Variants in PI4KA observed in about 807,000 individuals in gnomAD.
PI4KA encodes phosphatidylinositol 4-kinase alpha.
Under a neutral mutation model 271.4 loss-of-function variants are expected in PI4KA, and 122 were observed. The observed-to-expected ratio is 0.45, with a 90% confidence interval of 0.39 to 0.52. The LOEUF (loss-of-function observed/expected upper bound fraction) is 0.52. PI4KA is among the 20% of genes least tolerant of loss of function. The probability of loss-of-function intolerance (pLI) is 0.00; values close to 1 mark genes in which losing one functional copy is unlikely to be tolerated. For missense variants in PI4KA, 1,969 were observed against 2,769.1 expected (o/e 0.71, Z 6.48); for synonymous variants, 1,041 against 1,078.8 (o/e 0.96, Z 0.69).
intron 1 of PI4KA, among the ~76,000 whole-genome samples, chr22:20,856,132 C>T (rs965795080): frequency 1.9e-4 from 29 of 152,100 alleles, no homozygotes; most frequent in Non-Finnish European, 3.4e-4. Context: ...ATACTAAATA[C>T]TAAACCCCGT....
intron 19 of PI4KA, chr22:20,780,218 C>T: frequency 1.2e-6 from 2 of 1,614,204 alleles, no homozygotes; most frequent in Non-Finnish European, 1.7e-6. Context: ...GGCACCTTTA[C>T]AGTTCTCACA....
chr22:20,781,950 G>A (rs1601483310), intron 19 of PI4KA, among the ~76,000 whole-genome samples: 1 of 152,344 alleles, frequency 6.6e-6, no homozygotes, highest in Non-Finnish European at 1.5e-5. Context: ...ATGCAACAGA[G>A]TGGCACATGA....
intron 29 of PI4KA, among the ~76,000 whole-genome samples, chr22:20,746,036 A>G (rs1266192477): frequency 1.1e-5 from 1 of 94,446 alleles, no homozygotes; most frequent in Non-Finnish European, 2.2e-5. Flanking sequence ...ATGGGGTTTC[A>G]TCAAAAAAAA....
chr22:20,786,252 C>A, intron 19 of PI4KA: 1 of 1,294,220 alleles, frequency 7.7e-7, no homozygotes, highest in Non-Finnish European at 1.1e-6. Context: ...CATGTCCCAG[C>A]TTGGGGTGCT....
In PI4KA at chr22:20,753,020, G is replaced by C; in HGVS notation, c.2870C>G (p.Thr957Ser). The change falls in exon 25 of 55, where the codon ACC becomes AGC. Residue 957 changes from threonine (T) to serine (S), a missense_variant. Physicochemically the swap from Thr to Ser is moderately conservative, Grantham distance 58. This residue lies in a region of PI4KA where 368 missense variants were observed against 544.3 expected (regional missense o/e 0.68). Coordinates refer to ENST00000255882, the MANE Select transcript of PI4KA (RefSeq NM_058004.4). ...FLNMMADKAK[T>S]KENEEELERH... ...CTCCAGCTCCTCCTCGTTCTCCTTG[G>C]TCTTGGCCTAGAGATGCAAAAGAAA... is the stretch of plus-strand genomic sequence containing the variant. 1 of 1,614,200 alleles carries C rather than the reference G, an allele frequency of 6.2e-7. No homozygotes were observed. The highest frequency in any genetic ancestry group is 8.5e-7 in the Non-Finnish European group (1 of 1,180,050).
At position 20,804,973 on chromosome 22, in the gene PI4KA, C is replaced by A; in HGVS notation, c.1360+1G>T. On this transcript the variant is annotated splice_donor_variant, in intron 11 of 54. Coordinates refer to ENST00000255882, the MANE Select transcript of PI4KA (RefSeq NM_058004.4). LOFTEE classifies it high-confidence loss of function. The stretch of plus-strand genomic sequence containing the variant: ...ATGAGAGGCAAGGCAGTCTGTCTCA[C>A]CCTGCTCGTCCTTCACAGCCCACAC... 6.2e-7 allele frequency: 1 copy of A among 1,609,770 alleles called. No individual in the cohort carries two copies. The highest frequency in any genetic ancestry group is 1.1e-5 in the South Asian group (1 of 90,400).
At position 20,737,695 on chromosome 22, in the gene PI4KA, G is replaced by A. The variant is rs1431457565; in HGVS notation, c.3742-3142C>T. ...TGCCCAGGCTGGAGTGCAATGGTGC[G>A]ATCTTGGCTCACCGCAACCTCCGCC... On this transcript the variant is annotated intron_variant, in intron 32 of 54. Coordinates refer to ENST00000255882, the MANE Select transcript of PI4KA (RefSeq NM_058004.4). Among the ~76,000 whole-genome samples, 40 of 151,124 alleles carry A rather than the reference G, an allele frequency of 2.6e-4. 1 individual carries two copies. The highest frequency in any genetic ancestry group is 1.0e-3 in the South Asian group (5 of 4,804).
In PI4KA at chr22:20,750,651, C is replaced by G. The variant is rs369537557; in HGVS notation, c.3153+642G>C. Among the ~76,000 whole-genome samples the G allele has an allele frequency of 1.1e-4, 16 of 152,312 alleles. No individual in the cohort carries two copies. The South Asian group carries it at 2.9e-3, about 28-fold the overall frequency. ...GGACTGGATGGAAGGGCAGGCTCTG[C>G]GTGGCAAAATCCTCTTCGGTGCCAC... On this transcript the variant is annotated intron_variant, in intron 27 of 54. Coordinates refer to ENST00000255882, the MANE Select transcript of PI4KA (RefSeq NM_058004.4).
chr22:20,786,511 A>G (rs1383296971), intron 19 of PI4KA, among the ~76,000 whole-genome samples: 1 of 152,032 alleles, frequency 6.6e-6, no homozygotes, highest in Admixed American at 6.6e-5. Context: ...ACTTAAACCA[A>G]TCGGGCGCTC....
At chr22:20,808,552 T>C (rs1419472128) in intron 9 of PI4KA, among the ~76,000 whole-genome samples, 4 of 144,528 alleles carry the variant, frequency 2.8e-5, no homozygotes, top group Admixed American at 7.0e-5. Context: ...ATCACGCCAC[T>C]GCACTCCAGC....
Position 20,848,968 on chromosome 22 carries a change from A to C in PI4KA, c.156+9602T>G, listed in dbSNP as rs187380180. On this transcript the variant is annotated intron_variant, in intron 1 of 54. Transcript: ENST00000255882. Reference sequence around the variant, plus strand: ...AAGAAACTTTTATCTAAAATAAAGAACTATTACAACTTAATTAAAAAAATA... The same window carrying C: ...AAGAAACTTTTATCTAAAATAAAGACCTATTACAACTTAATTAAAAAAATA... Among the ~76,000 whole-genome samples, 4 of 152,352 alleles carry C rather than the reference A, an allele frequency of 2.6e-5. No individual in the cohort carries two copies. The East Asian group carries it at 7.7e-4, about 29-fold the overall frequency.
intron 45 of PI4KA, among the ~76,000 whole-genome samples, chr22:20,716,286 AGG>A (rs1262169443): frequency 6.6e-6 from 1 of 152,206 alleles, no homozygotes; most frequent in Admixed American, 6.5e-5. Flanking sequence ...TCCTGACCTC[AGG>A]TGATCCACCT....
At chr22:20,740,582 T>C (rs1361886263) in intron 32 of PI4KA, among the ~76,000 whole-genome samples, 1 of 151,916 alleles carries the variant, frequency 6.6e-6, no homozygotes, top group African/African-American at 2.4e-5. Flanking sequence ...TACAATGAAA[T>C]TCACACACAG....
At chr22:20,801,211 G>A (rs1014348085) in intron 14 of PI4KA, among the ~76,000 whole-genome samples, 10 of 151,576 alleles carry the variant, frequency 6.6e-5, no homozygotes, top group African/African-American at 2.4e-4. Context: ...TTATGATCAG[G>A]AAAAGAAAAG....
intron 18 of PI4KA, among the ~76,000 whole-genome samples, chr22:20,794,936 T>A (rs1934889167): frequency 6.6e-6 from 1 of 152,180 alleles, no homozygotes; most frequent in Admixed American, 6.5e-5. Context: ...CTGTATGGCC[T>A]GCAAAGCGTA....
At chr22:20,799,862 A>G (rs1935198572) in intron 14 of PI4KA, 96 bp from the exon 15 acceptor site, 3 of 693,776 alleles carry the variant, frequency 4.3e-6, no homozygotes, top group South Asian at 1.9e-5. Flanking sequence ...CAAAGTTTAA[A>G]GAACTGCTCT....
At chr22:20,716,154 C>T (rs1371676889) in intron 45 of PI4KA, among the ~76,000 whole-genome samples, 2 of 152,042 alleles carry the variant, frequency 1.3e-5, no homozygotes, top group African/African-American at 4.8e-5. Context: ...GGGTTCACGC[C>T]ATTCTCCTGC....
chr22:20,855,651 C>T (rs1927501205), intron 1 of PI4KA, among the ~76,000 whole-genome samples: 1 of 152,184 alleles, frequency 6.6e-6, no homozygotes, highest in Non-Finnish European at 1.5e-5. Context: ...TGAGGATATA[C>T]ATCAAGCTTG....
At chr22:20,823,477 T>C (rs1007696422) in intron 4 of PI4KA, among the ~76,000 whole-genome samples, 1 of 152,176 alleles carries the variant, frequency 6.6e-6, no homozygotes, top group African/African-American at 2.4e-5. Flanking sequence ...AACAGCAGCA[T>C]ACAAAAACTA....
Sources: allele counts gnomAD v4.1 joint callset (sites outside exome capture counted in the v4.1 genomes callset), GRCh38; gene constraint gnomAD v4.1.1; regional missense constraint gnomAD v4.1.1; transcripts MANE v1.5; gene names NCBI Gene and HGNC (gene_info 2026-07-23, HGNC 2026-07-21).